UHRF2: variants seen among roughly 807,000 people sequenced by gnomAD.
The protein encoded by UHRF2 is E3 ubiquitin-protein ligase UHRF2.
UHRF2 carries 23 observed loss-of-function variants against 96.8 expected under a neutral mutation model. That is an observed-to-expected ratio of 0.24 (90% confidence interval 0.17 to 0.34). The LOEUF is 0.34. UHRF2 is among the 10% of genes least tolerant of loss of function. The pLI is 1.00. For synonymous variants in UHRF2, 385 were observed against 332.6 expected, an observed-to-expected ratio of 1.16 and a Z score of -1.72; for missense variants, 685 against 981.5, an observed-to-expected ratio of 0.70 and a Z score of 4.04.
At chr9:6,414,979 C>G (rs1819506130) in intron 1 of UHRF2, among the ~76,000 whole-genome samples, 1 of 152,168 alleles carries the variant, frequency 6.6e-6, no homozygotes, top group Admixed American at 6.5e-5. Flanking sequence ...CATAGATTTG[C>G]TTTGCTGTGC....
intron 3 of UHRF2, among the ~76,000 whole-genome samples, chr9:6,453,774 A>G (rs1822008065): frequency 6.6e-6 from 1 of 152,054 alleles, no homozygotes; most frequent in Non-Finnish European, 1.5e-5. Context: ...GAGTGGTGGC[A>G]GGTACTTGTA....
intron 1 of UHRF2, among the ~76,000 whole-genome samples, chr9:6,416,573 C>G (rs1375822195): frequency 8.7e-6 from 1 of 114,730 alleles, no homozygotes; most frequent in African/African-American, 3.3e-5. Context: ...GACGGAGTCT[C>G]GTTCTGTCGC....
At chr9:6,438,433 A>C (rs1820977911) in intron 3 of UHRF2, among the ~76,000 whole-genome samples, 2 of 152,230 alleles carry the variant, frequency 1.3e-5, no homozygotes, top group Admixed American at 1.3e-4. Flanking sequence ...ACTTTAACTA[A>C]ATAGGCTTTA....
chr9:6,439,938 T>C (rs1821065012), intron 3 of UHRF2, among the ~76,000 whole-genome samples: 1 of 152,170 alleles, frequency 6.6e-6, no homozygotes, highest in Non-Finnish European at 1.5e-5. Context: ...CATTAAGTGG[T>C]TAATGTAAAA....
At chr9:6,467,557 G>A (rs527273701) in intron 4 of UHRF2, among the ~76,000 whole-genome samples, 59 of 142,600 alleles carry the variant, frequency 4.1e-4, no homozygotes, top group African/African-American at 1.5e-3. Flanking sequence ...AGTTACAATA[G>A]ATTTTCAGTA....
At chr9:6,451,448 C>G (rs1456795749) in intron 3 of UHRF2, among the ~76,000 whole-genome samples, 1 of 145,564 alleles carries the variant, frequency 6.9e-6, no homozygotes, top group Non-Finnish European at 1.5e-5. Flanking sequence ...TATCTTGTTT[C>G]TTACCTAGTT....
At chr9:6,473,398 C>G (rs751086251) in intron 4 of UHRF2, among the ~76,000 whole-genome samples, 1 of 152,076 alleles carries the variant, frequency 6.6e-6, no homozygotes, top group African/African-American at 2.4e-5. Context: ...ACTGGGTCAC[C>G]AACTAGTTTA....
intron 3 of UHRF2, among the ~76,000 whole-genome samples, chr9:6,442,441 A>AT: frequency 6.8e-6 from 1 of 147,070 alleles, no homozygotes; most frequent in East Asian, 2.0e-4. Flanking sequence ...TTCTCTAAAC[A>AT]TTGGCATAAG....
intron 3 of UHRF2, among the ~76,000 whole-genome samples, chr9:6,447,189 A>G (rs181813355): frequency 1.6e-4 from 24 of 152,280 alleles, no homozygotes; most frequent in Admixed American, 1.6e-3. Flanking sequence ...GCGCCCAGCC[A>G]GCACACGTAC....
At chr9:6,451,045 GT>G (rs1821829655) in intron 3 of UHRF2, among the ~76,000 whole-genome samples, 2 of 152,224 alleles carry the variant, frequency 1.3e-5, no homozygotes, top group African/African-American at 4.8e-5. Context: ...AACCTCTGTG[GT>G]TTTATGTTTA....
chr9:6,500,191 C>G (rs1185564651), intron 13 of UHRF2, among the ~76,000 whole-genome samples: 1 of 152,172 alleles, frequency 6.6e-6, no homozygotes, highest in Non-Finnish European at 1.5e-5. Context: ...TGGTCTTGAA[C>G]TCCTGGGCTG....
intron 4 of UHRF2, among the ~76,000 whole-genome samples, chr9:6,472,318 C>T (rs1339858506): frequency 6.6e-6 from 1 of 152,046 alleles, no homozygotes; most frequent in South Asian, 2.1e-4. Context: ...GCGAAAGGAT[C>T]GATGTTAAAT....
intron 4 of UHRF2, among the ~76,000 whole-genome samples, chr9:6,470,593 A>G (rs923737232): frequency 6.6e-6 from 1 of 152,134 alleles, no homozygotes; most frequent in African/African-American, 2.4e-5. Flanking sequence ...TGTATGAGTA[A>G]GTATAAATAA....
At position 6,434,097 on chromosome 9, in the gene UHRF2, G is replaced by A. The variant is rs754302595; in HGVS notation, c.568G>A (p.Asp190Asn). 1.2e-6 allele frequency: 2 copies of A among 1,613,962 alleles called. No homozygotes were observed. Among genetic ancestry groups the A allele is most frequent in the Non-Finnish European group, 1.7e-6 (2 of 1,180,012 alleles). Residue 190 changes from aspartate (D) to asparagine (N), a missense_variant, in exon 3 of 16, where the codon GAC becomes AAC. Asp to Asn is a conservative substitution (Grantham distance 23, BLOSUM62 1). This residue lies in a region of UHRF2 where 391 missense variants were observed against 437.0 expected (regional missense o/e 0.89). Transcript: ENST00000276893. ...ATCCAAAGAGAACACAAATAAATTG[G>A]ACAGTGTACCCTCTACGTCTAATTC... ...HKSKENTNKL[D>N]SVPSTSNSDC...
intron 3 of UHRF2, among the ~76,000 whole-genome samples, chr9:6,452,181 T>C (rs1821914514): frequency 1.3e-5 from 2 of 152,224 alleles, no homozygotes; most frequent in African/African-American, 4.8e-5. Flanking sequence ...ACCTGTATTA[T>C]GTTATCTTAA....
At chr9:6,465,730 C>T (rs989463819) in intron 4 of UHRF2, among the ~76,000 whole-genome samples, 3 of 152,090 alleles carry the variant, frequency 2.0e-5, no homozygotes, top group South Asian at 4.1e-4. Context: ...TTGATCCTCT[C>T]TATTGTATTG....
chr9:6,503,566 T>C (rs1027429161), intron 14 of UHRF2, among the ~76,000 whole-genome samples: 1 of 152,122 alleles, frequency 6.6e-6, no homozygotes, highest in African/African-American at 2.4e-5. Flanking sequence ...GATTTTAGGA[T>C]TGAGGTAAAA....
intron 12 of UHRF2, 24 bp from the exon 13 acceptor site, chr9:6,499,811 C>A: frequency 1.3e-6 from 2 of 1,505,576 alleles, no homozygotes; most frequent in Non-Finnish European, 1.8e-6. Context: ...CTGCATTGTA[C>A]TCTCCCTCCT....
chr9:6,417,904 A>G (rs1819702902), intron 1 of UHRF2, among the ~76,000 whole-genome samples: 1 of 152,100 alleles, frequency 6.6e-6, no homozygotes, highest in African/African-American at 2.4e-5. Flanking sequence ...CCTCAACGTC[A>G]CTCTGACTCT....
Sources: gnomAD v4.1 joint callset for allele counts (sites outside exome capture counted in the v4.1 genomes callset) on GRCh38, gnomAD v4.1.1 for gene constraint, gnomAD v4.1.1 regional missense constraint, MANE v1.5 for transcripts, NCBI Gene and HGNC (gene_info 2026-07-23, HGNC 2026-07-21) for gene names.